The following HACE1 variants were observed in gnomAD, a reference collection of about 807,000 sequenced individuals.
The protein encoded by HACE1 is HECT domain and ankyrin repeat containing E3 ubiquitin protein ligase 1.
Under a neutral mutation model 118.4 loss-of-function variants are expected in HACE1, and 73 were observed. The ratio of observed to expected loss-of-function variants is 0.62; its 90% CI spans 0.51 to 0.75. The LOEUF is 0.75. HACE1 is among the 30% of genes least tolerant of loss of function. The pLI, the probability that HACE1 is intolerant of heterozygous loss-of-function variation, is 0.00. For synonymous variants in HACE1, 368 were observed against 374.8 expected (o/e 0.98, Z 0.21); for missense variants, 749 against 1,102.2 (o/e 0.68, Z 4.54).
intron 5 of HACE1, among the ~76,000 whole-genome samples, chr6:104,839,292 C>T (rs2486137): frequency 1 from 151,943 of 152,336 alleles, 75,775 homozygotes; most frequent in Middle Eastern, 1. Context: ...AACAGGTGAA[C>T]AGTCCAACAA....
At chr6:104,796,609 G>A (rs1769662309) in intron 9 of HACE1, 46 bp downstream of exon 9, 2 of 945,790 alleles carry the variant, frequency 2.1e-6, no homozygotes, top group Non-Finnish European at 3.5e-6. Flanking sequence ...ATGCTGAGCA[G>A]GAATAAAGCT....
At chr6:104,795,748 T>C (rs1200053444) in intron 9 of HACE1, 63 bp from the exon 10 acceptor site, 1 of 962,592 alleles carries the variant, frequency 1.0e-6, no homozygotes, top group Admixed American at 1.8e-5. Flanking sequence ...TATCAAACAA[T>C]TAAGTACCTA....
Position 104,818,171 on chromosome 6 carries a change from T to C in HACE1, c.535-6778A>G, listed in dbSNP as rs116418167. ...ACTGTTATATAAAACTATATTATAA[T>C]CTATGTAATTCCTCTAAACTGAAAA... On this transcript the variant is annotated intron_variant, in intron 6 of 23. Transcript: ENST00000262903. Among the ~76,000 whole-genome samples the C allele has an allele frequency of 2.8e-3, 420 of 152,306 alleles. 5 individuals are homozygous for C. The highest frequency in any genetic ancestry group is 9.6e-3 in the African/African-American group (400 of 41,570).
At chr6:104,762,807 A>G (rs9322815) in intron 19 of HACE1, among the ~76,000 whole-genome samples, 85,588 of 151,410 alleles carry the variant, frequency 0.57, 25,814 homozygotes, top group African/African-American at 0.79. Flanking sequence ...TGGCTAACAC[A>G]GTGAAACCCC....
intron 4 of HACE1, among the ~76,000 whole-genome samples, chr6:104,845,059 T>C (rs1775514308): frequency 1.3e-5 from 2 of 152,132 alleles, no homozygotes; most frequent in Non-Finnish European, 2.9e-5. Context: ...GTTAAATACA[T>C]ATGTATTGTA....
intron 11 of HACE1, among the ~76,000 whole-genome samples, chr6:104,790,238 T>A (rs1782882345): frequency 6.6e-6 from 1 of 152,150 alleles, no homozygotes; most frequent in Non-Finnish European, 1.5e-5. Context: ...TAAGTATTAA[T>A]CTACTAGTGT....
At chr6:104,782,118 T>C (rs1781806573) in intron 14 of HACE1, among the ~76,000 whole-genome samples, 1 of 152,164 alleles carries the variant, frequency 6.6e-6, no homozygotes, top group South Asian at 2.1e-4. Flanking sequence ...AACAGCAGAC[T>C]ATCTCTCAAA....
At chr6:104,836,603 C>T (rs1027172092) in intron 5 of HACE1, among the ~76,000 whole-genome samples, 2 of 152,116 alleles carry the variant, frequency 1.3e-5, no homozygotes, top group Non-Finnish European at 1.5e-5. Flanking sequence ...ATCCCAGCTA[C>T]TAGGGTGGCT....
intron 7 of HACE1, among the ~76,000 whole-genome samples, chr6:104,807,478 T>C (rs1247248038): frequency 2.0e-5 from 3 of 152,238 alleles, no homozygotes; most frequent in African/African-American, 7.2e-5. Flanking sequence ...TAATTTACTG[T>C]ATCTATACAA....
intron 22 of HACE1, among the ~76,000 whole-genome samples, chr6:104,743,286 C>T (rs1045969946): frequency 6.6e-6 from 1 of 150,880 alleles, no homozygotes; most frequent in Non-Finnish European, 1.5e-5. Context: ...ACAATGTGCA[C>T]ATGTACCCTA....
chr6:104,819,451 G>A (rs184627754), intron 6 of HACE1, among the ~76,000 whole-genome samples: 63 of 152,190 alleles, frequency 4.1e-4, no homozygotes, highest in African/African-American at 1.4e-3. Context: ...TCAATAAAAC[G>A]GCTACACTAA....
chr6:104,797,884 C>T (rs1397321877), intron 7 of HACE1, among the ~76,000 whole-genome samples: 1 of 151,942 alleles, frequency 6.6e-6, no homozygotes, highest in East Asian at 1.9e-4. Flanking sequence ...GCCTGGCCAA[C>T]ATGGTGAAAC....
intron 2 of HACE1, 110 bp downstream of exon 2, chr6:104,852,207 G>T (rs1776284726): frequency 1.5e-6 from 1 of 678,318 alleles, no homozygotes. Context: ...GTCTGTGTGT[G>T]TGTGTGTGTG....
intron 22 of HACE1, among the ~76,000 whole-genome samples, chr6:104,741,425 C>T (rs1304740570): frequency 1.3e-5 from 2 of 151,112 alleles, no homozygotes; most frequent in Non-Finnish European, 2.9e-5. Context: ...TGTATCAGCC[C>T]CAAATCTCCT....
intron 4 of HACE1, among the ~76,000 whole-genome samples, chr6:104,846,031 G>A (rs967071427): frequency 2.0e-5 from 3 of 152,210 alleles, no homozygotes; most frequent in African/African-American, 7.2e-5. Context: ...AGGTAGGAAT[G>A]AGCCAGGGAA....
chr6:104,729,802 C>G lies in HACE1; in HGVS notation c.2628-38G>C, dbSNP rs547061263. The G allele has an allele frequency of 8.9e-6, 8 of 895,974 alleles. No individual in the cohort carries two copies. The African/African-American group carries it at 1.3e-4, about 15-fold the overall frequency. The allele number at this position is 895,974 out of a possible 1,614,324, so 55.5% of individuals were successfully genotyped here. On this transcript the variant is annotated intron_variant, in intron 23 of 23. Coordinates refer to ENST00000262903, the MANE Select transcript of HACE1 (RefSeq NM_020771.4). ...AATATACCACCATTAAACAGGAAATCTATAAAATTTCTGATTGTTTTGCCT... is the reference window on the plus strand; with the variant it reads ...AATATACCACCATTAAACAGGAAATGTATAAAATTTCTGATTGTTTTGCCT...
chr6:104,823,623 A>T (rs1206903949), intron 6 of HACE1, among the ~76,000 whole-genome samples: 1 of 152,058 alleles, frequency 6.6e-6, no homozygotes, highest in Admixed American at 6.6e-5. Context: ...ATCCCCCAAT[A>T]AAAACCAAAA....
At position 104,729,531 on chromosome 6, in the gene HACE1, T is replaced by A. The variant is rs1451361417; in HGVS notation, c.*131A>T. 2 of 697,142 alleles carry A rather than the reference T, an allele frequency of 2.9e-6. No individual in the cohort carries two copies. The highest frequency in any genetic ancestry group is 3.1e-5 in the South Asian group (2 of 65,510). The allele number at this position is 697,142 out of a possible 1,614,324, so 43.2% of individuals were successfully genotyped here. On this transcript the variant is annotated 3_prime_UTR_variant, in exon 24 of 24. Transcript: ENST00000262903. ...AAGAGAGAAACAGAAAACCTGATGA[T>A]CCTTTATAAATTGGAAGCATCAGCC...
chr6:104,832,904 A>C (rs1481566641), intron 6 of HACE1, 138 bp downstream of exon 6: 1 of 803,362 alleles, frequency 1.2e-6, no homozygotes, highest in Non-Finnish European at 2.1e-6. Context: ...GTCTCAAAAA[A>C]AAAAGTCCAT....
Sources: gnomAD v4.1 joint callset for allele counts (sites outside exome capture counted in the v4.1 genomes callset) on GRCh38, gnomAD v4.1.1 for gene constraint, MANE v1.5 for transcripts, NCBI Gene and HGNC (gene_info 2026-07-23, HGNC 2026-07-21) for gene names.